ESRRG: variants seen among roughly 807,000 people sequenced by gnomAD.
ESRRG encodes estrogen related receptor gamma, also known as estrogen-related receptor gamma.
Under a neutral mutation model 44.0 loss-of-function variants are expected in ESRRG, and 13 were observed. That is an observed-to-expected ratio of 0.30 (90% CI 0.19 to 0.47). ESRRG has a LOEUF of 0.47. Ranked by LOEUF, ESRRG falls within the 20% of genes least tolerant of loss-of-function variation. The pLI is 1.00. For synonymous variants in ESRRG, 215 were observed against 214.6 expected (o/e 1.00, Z -0.02); for missense variants, 395 against 580.6 (o/e 0.68, Z 3.29).
intron 1 of ESRRG, among the ~76,000 whole-genome samples, chr1:217,106,599 A>T (rs902857221): frequency 6.6e-6 from 1 of 152,224 alleles, no homozygotes; most frequent in African/African-American, 2.4e-5. Context: ...CACATGGATC[A>T]GGAGGGATTT....
intron 1 of ESRRG, among the ~76,000 whole-genome samples, chr1:217,080,902 C>T (rs538946973): frequency 6.6e-6 from 1 of 151,998 alleles, no homozygotes; most frequent in South Asian, 2.1e-4. Context: ...TGGTCTCAAT[C>T]TCCTGACCTC....
chr1:216,766,037 T>C lies in ESRRG; in HGVS notation c.-13-88546A>G, dbSNP rs572717025. Among the ~76,000 whole-genome samples the C allele has an allele frequency of 2.2e-4, 34 of 152,236 alleles. No homozygotes were observed. The South Asian group carries it at 5.6e-3, about 25-fold the overall frequency. ...TGGAGGTAAAAATAGAATGTAATAG[T>C]AAAGCAAAGCAATCTTCGTCACAAA... On this transcript the variant is annotated intron_variant, in intron 2 of 7. Transcript: ENST00000359162.
intron 1 of ESRRG, among the ~76,000 whole-genome samples, chr1:216,678,918 C>G (rs1226426870): frequency 1.3e-5 from 2 of 152,198 alleles, no homozygotes; most frequent in African/African-American, 4.8e-5. Context: ...TCATGCCCTC[C>G]TCCAGGTCCT....
chr1:216,770,233 A>C (rs1040268491), intron 2 of ESRRG, among the ~76,000 whole-genome samples: 5 of 152,088 alleles, frequency 3.3e-5, no homozygotes, highest in African/African-American at 1.2e-4. Flanking sequence ...CTGGTGGTCT[A>C]TAGAGGGGAA....
intron 3 of ESRRG, among the ~76,000 whole-genome samples, chr1:216,576,797 T>A (rs1298441281): frequency 6.6e-6 from 1 of 152,034 alleles, no homozygotes; most frequent in African/African-American, 2.4e-5. Flanking sequence ...GGAGCCCTAA[T>A]CTATGACACA....
chr1:217,019,949 T>C (rs1238491493), intron 1 of ESRRG, among the ~76,000 whole-genome samples: 1 of 152,202 alleles, frequency 6.6e-6, no homozygotes, highest in African/African-American at 2.4e-5. Flanking sequence ...TGCTTGGAGT[T>C]AGGGCATGGT....
chr1:217,005,757 C>T (rs1312926518), intron 1 of ESRRG, among the ~76,000 whole-genome samples: 1 of 151,734 alleles, frequency 6.6e-6, no homozygotes, highest in Non-Finnish European at 1.5e-5. Context: ...GGTCTAAAAC[C>T]ATAGCTTTCT....
At chr1:216,712,454 C>T (rs1332913807) in intron 1 of ESRRG, among the ~76,000 whole-genome samples, 2 of 152,074 alleles carry the variant, frequency 1.3e-5, no homozygotes, top group Non-Finnish European at 2.9e-5. Flanking sequence ...GCAGTAGTGG[C>T]GGTTTTCAGA....
intron 2 of ESRRG, among the ~76,000 whole-genome samples, chr1:216,821,661 G>A (rs534658661): frequency 9.4e-5 from 13 of 138,984 alleles, no homozygotes; most frequent in Admixed American, 1.5e-4. Context: ...CTCCAGCCTG[G>A]GCGACAGAAC....
chr1:217,055,605 G>A (rs2086919928), intron 1 of ESRRG, among the ~76,000 whole-genome samples: 2 of 152,096 alleles, frequency 1.3e-5, no homozygotes, highest in Non-Finnish European at 2.9e-5. Flanking sequence ...GATAGGCTGG[G>A]GCTCAGATGT....
chr1:216,631,701 A>T (rs903582804), intron 3 of ESRRG, among the ~76,000 whole-genome samples: 5 of 152,208 alleles, frequency 3.3e-5, no homozygotes, highest in Non-Finnish European at 7.3e-5. Flanking sequence ...TACCTATATT[A>T]TATATGTATA....
At chr1:216,936,127 A>T (rs920543735) in intron 2 of ESRRG, among the ~76,000 whole-genome samples, 31 of 152,082 alleles carry the variant, frequency 2.0e-4, no homozygotes, top group African/African-American at 7.5e-4. Context: ...CAAACAGGAA[A>T]TTCCAAGGGA....
intron 2 of ESRRG, among the ~76,000 whole-genome samples, chr1:216,765,207 G>C (rs553614659): frequency 6.6e-6 from 1 of 152,212 alleles, no homozygotes; most frequent in African/African-American, 2.4e-5. Flanking sequence ...GCCTGGAAGA[G>C]AAGGGAAGGG....
chr1:217,123,030 CAT>C (rs1425655195), intron 1 of ESRRG, among the ~76,000 whole-genome samples: 2 of 152,058 alleles, frequency 1.3e-5, no homozygotes, highest in East Asian at 1.9e-4. Flanking sequence ...CCAGAAGTGA[CAT>C]ATATATTTCG....
chr1:217,068,708 A>G (rs1440876258), intron 1 of ESRRG, among the ~76,000 whole-genome samples: 2 of 152,222 alleles, frequency 1.3e-5, no homozygotes, highest in Non-Finnish European at 2.9e-5. Flanking sequence ...AGTGGAAACG[A>G]TAAGAAAACT....
intron 1 of ESRRG, among the ~76,000 whole-genome samples, chr1:217,095,196 G>A (rs1364354670): frequency 6.6e-6 from 1 of 152,202 alleles, no homozygotes; most frequent in Non-Finnish European, 1.5e-5. Flanking sequence ...TAAGCCAAAT[G>A]TCATGATGGC....
rs531215378 is a variant in ESRRG, at chr1:216,909,231, C to T, written c.-14+30351G>A. 1.1e-3 allele frequency among the ~76,000 whole-genome samples: 165 copies of T among 152,282 alleles called. 1 individual carries two copies. In the South Asian group the frequency reaches 0.017, roughly 16 times the overall value. ...GTGAAGAATATCATCATCTATGAGG[C>T]AGTGATAACTATAAAATCTCAATCA... is the stretch of plus-strand genomic sequence containing the variant. On this transcript the variant is annotated intron_variant, in intron 2 of 7. Coordinates refer to the ESRRG transcript ENST00000359162.
chr1:216,921,490 C>T (rs2061840489), intron 2 of ESRRG, among the ~76,000 whole-genome samples: 1 of 152,186 alleles, frequency 6.6e-6, no homozygotes, highest in Admixed American at 6.5e-5. Flanking sequence ...AACTTGACCT[C>T]TTATTAACTC....
At chr1:216,595,095 GAA>G (rs2058245992) in intron 3 of ESRRG, among the ~76,000 whole-genome samples, 1 of 152,222 alleles carries the variant, frequency 6.6e-6, no homozygotes, top group African/African-American at 2.4e-5. Flanking sequence ...CTTGCTCTAT[GAA>G]AGAGGACAGG....
Sources: allele counts gnomAD v4.1 joint callset (sites outside exome capture counted in the v4.1 genomes callset), GRCh38; gene constraint gnomAD v4.1.1; transcripts MANE v1.5; gene names NCBI Gene and HGNC (gene_info 2026-07-23, HGNC 2026-07-21).